The following SUPT3H variants were observed in gnomAD, a reference collection of about 807,000 sequenced individuals.
SUPT3H encodes the protein SPT3 homolog, SAGA and STAGA complex component.
A neutral mutation model predicts 44.3 loss-of-function variants in SUPT3H; 44 were observed. The observed-to-expected ratio is 0.99, with a 90% CI of 0.78 to 1.28. The LOEUF (loss-of-function observed/expected upper bound fraction) is 1.28, where lower values mean the gene tolerates loss of function less well. Ranked by LOEUF, SUPT3H falls within the 50% of genes most tolerant of loss-of-function variation. SUPT3H has a pLI of 0.00. For missense variants in SUPT3H, 380 were observed against 387.1 expected (o/e 0.98, Z 0.15); for synonymous variants, 124 against 125.6 (o/e 0.99, Z 0.09).
chr6:45,171,713 C>CTTTTTT lies in SUPT3H; in HGVS notation c.102-65713_102-65708dup, dbSNP rs777154020. Among the ~76,000 whole-genome samples, 338 of 93,462 alleles carry CTTTTTT rather than the reference C, an allele frequency of 3.6e-3. 7 individuals are homozygous for CTTTTTT. Among genetic ancestry groups the CTTTTTT allele is most frequent in the African/African-American group, 5.0e-3 (113 of 22,430 alleles). The allele number at this position is 93,462 out of a possible 152,430, so 61.3% of individuals were successfully genotyped here. On this transcript the variant is annotated intron_variant, in intron 2 of 10. Coordinates refer to ENST00000371459, the MANE Select transcript of SUPT3H (RefSeq NM_003599.4). ...AAGGCATTAACAAAAATTCCACTTGCTTTTTTTTTTTTTTTTTTTTTTTTG... is the reference window on the plus strand; with the variant it reads ...AAGGCATTAACAAAAATTCCACTTGCTTTTTTTTTTTTTTTTTTTTTTTTTTTTTTG...
chr6:44,940,945 G>A (rs887883527), intron 9 of SUPT3H, among the ~76,000 whole-genome samples: 2 of 151,928 alleles, frequency 1.3e-5, no homozygotes, highest in Non-Finnish European at 2.9e-5. Flanking sequence ...GTCCATATAT[G>A]TCTTTATAGG....
At chr6:44,946,123 T>C (rs566798079) in intron 9 of SUPT3H, among the ~76,000 whole-genome samples, 2 of 152,322 alleles carry the variant, frequency 1.3e-5, no homozygotes, top group African/African-American at 4.8e-5. Context: ...CAGCATGGCT[T>C]ACTGAATATT....
chr6:45,373,902 C>T (rs1345050507), intron 1 of SUPT3H, among the ~76,000 whole-genome samples: 2 of 152,090 alleles, frequency 1.3e-5, no homozygotes, highest in Non-Finnish European at 2.9e-5. Flanking sequence ...AGTAATAGTG[C>T]CTATTATACA....
At chr6:45,026,603 C>G (rs1169970839) in intron 3 of SUPT3H, among the ~76,000 whole-genome samples, 1 of 152,042 alleles carries the variant, frequency 6.6e-6, no homozygotes, top group African/African-American at 2.4e-5. Flanking sequence ...GATAGGAATA[C>G]CTTGCCACAC....
In SUPT3H at chr6:45,232,472, C is replaced by T. The variant is rs188917389; in HGVS notation, c.102-126466G>A. 2.9e-3 allele frequency among the ~76,000 whole-genome samples: 443 copies of T among 152,300 alleles called. 3 individuals carry two copies. The highest frequency in any genetic ancestry group is 4.7e-3 in the Non-Finnish European group (322 of 68,020). ...TGAGCTGACTGTGCCTGATCATGGG[C>T]TCCAGGGCAGTGTACATTGGTATGA... On this transcript the variant is annotated intron_variant, in intron 2 of 10. Transcript: ENST00000371459.
chr6:44,813,120 G>C (rs1223875790), intron 11 of SUPT3H, among the ~76,000 whole-genome samples: 1 of 152,114 alleles, frequency 6.6e-6, no homozygotes, highest in East Asian at 1.9e-4. Flanking sequence ...AGCAGAAATA[G>C]ATCAACCTTG....
chr6:45,266,890 G>C (rs970995772), intron 2 of SUPT3H, among the ~76,000 whole-genome samples: 1 of 152,002 alleles, frequency 6.6e-6, no homozygotes, highest in Non-Finnish European at 1.5e-5. Flanking sequence ...AAAAGTTTTT[G>C]AGCACCAGCA....
chr6:45,229,837 A>G (rs888549314), intron 2 of SUPT3H, among the ~76,000 whole-genome samples: 1 of 152,320 alleles, frequency 6.6e-6, no homozygotes, highest in African/African-American at 2.4e-5. Flanking sequence ...ATGTACAGGT[A>G]TCAAGTCCTC....
At chr6:44,843,927 GCA>G (rs56329630) in intron 10 of SUPT3H, among the ~76,000 whole-genome samples, 4,968 of 148,008 alleles carry the variant, frequency 0.034, 153 homozygotes, top group African/African-American at 0.084. Context: ...ACACACACAC[GCA>G]CACACACACA....
At chr6:45,148,242 C>T (rs999365457) in intron 2 of SUPT3H, among the ~76,000 whole-genome samples, 2 of 152,074 alleles carry the variant, frequency 1.3e-5, no homozygotes, top group African/African-American at 4.8e-5. Context: ...CTATTTTAAA[C>T]TTGTATGTAT....
intron 2 of SUPT3H, among the ~76,000 whole-genome samples, chr6:45,205,930 A>G (rs1254784780): frequency 2.6e-5 from 4 of 152,188 alleles, no homozygotes; most frequent in Non-Finnish European, 4.4e-5. Flanking sequence ...AGCTACAATT[A>G]TTTTCACAGA....
intron 6 of SUPT3H, among the ~76,000 whole-genome samples, chr6:44,980,335 A>G (rs879887503): frequency 6.6e-6 from 1 of 152,134 alleles, no homozygotes; most frequent in Non-Finnish European, 1.5e-5. Context: ...GAAACAACAT[A>G]TAACAAAATC....
intron 2 of SUPT3H, among the ~76,000 whole-genome samples, chr6:45,311,413 C>T (rs182649302): frequency 6.6e-6 from 1 of 152,266 alleles, no homozygotes; most frequent in Non-Finnish European, 1.5e-5. Flanking sequence ...AGGAAAACTT[C>T]CCCAGCCTTG....
chr6:45,132,610 A>C (rs891618004), intron 2 of SUPT3H, among the ~76,000 whole-genome samples: 1 of 152,204 alleles, frequency 6.6e-6, no homozygotes, highest in Non-Finnish European at 1.5e-5. Context: ...AAGACTTGGC[A>C]GATTATCATG....
At chr6:45,074,305 T>C (rs974474943) in intron 3 of SUPT3H, among the ~76,000 whole-genome samples, 1 of 151,884 alleles carries the variant, frequency 6.6e-6, no homozygotes, top group Non-Finnish European at 1.5e-5. Flanking sequence ...CATATAAACA[T>C]TAAGAAACCT....
chr6:45,234,543 A>G (rs9367221), intron 2 of SUPT3H, among the ~76,000 whole-genome samples: 86,093 of 148,326 alleles, frequency 0.58, 26,017 homozygotes, highest in African/African-American at 0.75. Flanking sequence ...AAAAAAAAAA[A>G]AAAAGAAAAG....
intron 3 of SUPT3H, chr6:45,098,957 G>C (rs1424401745): frequency 8.8e-6 from 4 of 456,996 alleles, no homozygotes; most frequent in Non-Finnish European, 1.7e-5. Context: ...GAGAAGAACA[G>C]ATCACAGACT....
chr6:44,896,518 A>T (rs6923704), intron 10 of SUPT3H, among the ~76,000 whole-genome samples: 1,850 of 152,290 alleles, frequency 0.012, 45 homozygotes, highest in African/African-American at 0.042. Context: ...GTGAGATGAA[A>T]CAAAATCAAT....
chr6:45,159,718 T>C (rs1432833427), intron 2 of SUPT3H, among the ~76,000 whole-genome samples: 1 of 152,240 alleles, frequency 6.6e-6, no homozygotes, highest in Admixed American at 6.6e-5. Context: ...TACAACAAGA[T>C]CCACGTTTAG....
Sources: allele counts gnomAD v4.1 joint callset (sites outside exome capture counted in the v4.1 genomes callset), GRCh38; gene constraint gnomAD v4.1.1; transcripts MANE v1.5; gene names NCBI Gene and HGNC (gene_info 2026-07-23, HGNC 2026-07-21).